Variants in TAF1 observed in about 807,000 individuals in gnomAD.
TAF1 encodes TATA-box binding protein associated factor 1.
Under a neutral mutation model 138.5 loss-of-function variants are expected in TAF1, and 2 were observed. That is an observed-to-expected ratio of 0.01 (90% CI 0.01 to 0.05). The LOEUF (loss-of-function observed/expected upper bound fraction) is 0.05, where lower values mean the gene tolerates loss of function less well. Ranked by LOEUF, TAF1 falls within the 10% of genes least tolerant of loss-of-function variation. The probability of loss-of-function intolerance (pLI) is 1.00; values close to 1 mark genes in which losing one functional copy is unlikely to be tolerated. For missense variants in TAF1, 709 were observed against 1,478.0 expected (o/e 0.48, Z 8.53); for synonymous variants, 437 against 503.2 (o/e 0.87, Z 1.76).
intron 32 of TAF1, among the ~76,000 whole-genome samples, chrX:71,431,003 ATTTT>A (rs41481947): frequency 0.012 from 803 of 68,515 alleles, 10 homozygotes; most frequent in African/African-American, 0.044. Flanking sequence ...GCTCAGAAGA[ATTTT>A]TTTTTTTTTT....
chrX:71,460,477 C>CAGTT, intron 36 of TAF1, 149 bp from the exon 37 acceptor site: 1 of 560,278 alleles, frequency 1.8e-6, no homozygotes, highest in Non-Finnish European at 2.8e-6. Context: ...TGACCCTAGG[C>CAGTT]AGTTATAAGA....
chrX:71,493,740 T>C (rs181667422), intron 13 of TAF1, among the ~76,000 whole-genome samples: 13 of 111,740 alleles, frequency 1.2e-4, no homozygotes, highest in Admixed American at 1.1e-3. Context: ...CCTAACACTT[T>C]AGGAGGCAGA....
chrX:71,385,836 T>C (rs1254189410), intron 14 of TAF1, among the ~76,000 whole-genome samples: 1 of 112,228 alleles, frequency 8.9e-6, no homozygotes, highest in South Asian at 3.7e-4. Flanking sequence ...ATTCAGCCTC[T>C]TCTTTTGTGG....
downstream of TAF1, among the ~76,000 whole-genome samples, chrX:71,469,594 G>C (rs977410043): frequency 9.2e-6 from 1 of 109,212 alleles, no homozygotes; most frequent in Non-Finnish European, 1.9e-5. Flanking sequence ...TACTCGGGAG[G>C]CTCGGGTGGG....
intron 13 of TAF1, among the ~76,000 whole-genome samples, chrX:71,513,617 C>T (rs989809771): frequency 6.3e-5 from 7 of 111,460 alleles, no homozygotes; most frequent in African/African-American, 2.3e-4. Flanking sequence ...CATGGTGGCT[C>T]ATGCCTATAA....
chrX:71,374,297 G>A, intron 3 of TAF1, among the ~76,000 whole-genome samples: 1 of 110,801 alleles, frequency 9.0e-6, no homozygotes, highest in Non-Finnish European at 1.9e-5. Flanking sequence ...TGGCCAGGCT[G>A]GTCTCTGAAC....
At chrX:71,366,578 C>T (rs1482693717) in intron 1 of TAF1, 84 bp downstream of exon 1, 2 of 974,882 alleles carry the variant, frequency 2.1e-6, no homozygotes, top group East Asian at 3.4e-5. Context: ...AGAGGGTGCT[C>T]AGGCAGCGAG....
intron 13 of TAF1, among the ~76,000 whole-genome samples, chrX:71,502,559 A>G (rs1333438676): frequency 1.8e-5 from 2 of 112,961 alleles, no homozygotes; most frequent in African/African-American, 6.4e-5. Flanking sequence ...AATCAATGTC[A>G]TACTGGTGGA....
At chrX:71,400,211 TCCCGAGTAG>T (rs2035105763) in intron 24 of TAF1, among the ~76,000 whole-genome samples, 1 of 110,433 alleles carries the variant, frequency 9.1e-6, no homozygotes, top group Non-Finnish European at 1.9e-5. Flanking sequence ...TGCCTCAGCC[TCCCGAGTAG>T]CTGGGATTAC....
chrX:71,417,461 A>G (rs762973335), intron 28 of TAF1, among the ~76,000 whole-genome samples: 1 of 110,606 alleles, frequency 9.0e-6, no homozygotes, highest in African/African-American at 3.3e-5. Flanking sequence ...GGGCTCGATG[A>G]TTCTCCCACC....
intron 13 of TAF1, among the ~76,000 whole-genome samples, chrX:71,512,684 G>A (rs2039754710): frequency 1.8e-5 from 2 of 111,222 alleles, no homozygotes; most frequent in Non-Finnish European, 3.8e-5. Flanking sequence ...CGGGCATGGT[G>A]GCTCATGACT....
At chrX:71,518,903 G>A (rs191970159) in intron 13 of TAF1, among the ~76,000 whole-genome samples, 118 of 105,856 alleles carry the variant, frequency 1.1e-3, no homozygotes, top group African/African-American at 4.0e-3. Context: ...CACCATGTTG[G>A]TCAGGCTGGT....
chrX:71,513,409 C>G (rs1277275252), intron 13 of TAF1, among the ~76,000 whole-genome samples: 2 of 111,732 alleles, frequency 1.8e-5, no homozygotes, highest in Non-Finnish European at 1.9e-5. Flanking sequence ...CCCTGTATTT[C>G]TAGTGGCACT....
intron 22 of TAF1, among the ~76,000 whole-genome samples, 182 bp downstream of exon 22, chrX:71,394,427 C>T (rs2034736502): frequency 8.9e-6 from 1 of 112,404 alleles, no homozygotes; most frequent in African/African-American, 3.2e-5. Flanking sequence ...CTGTGGAGGA[C>T]CAATTGCAGA....
Position 71,384,144 on chromosome X carries a change from C to G in TAF1, c.2121+9C>G. Reference sequence around the variant, plus strand: ...AGAACTATTATAAACGGGTGAGTCTCTGCTCAGAAAATTTTTTTCCCATAC... The same window carrying G: ...AGAACTATTATAAACGGGTGAGTCTGTGCTCAGAAAATTTTTTTCCCATAC... On this transcript the variant is annotated intron_variant, in intron 13 of 37. Coordinates refer to ENST00000423759, the MANE Select transcript of TAF1 (RefSeq NM_004606.5). The G allele has an allele frequency of 8.3e-7, 1 of 1,205,092 alleles. No individual in the cohort carries two copies. The highest frequency in any genetic ancestry group is 1.1e-6 in the Non-Finnish European group (1 of 893,106).
chrX:71,487,586 G>A (rs781191868), intron 13 of TAF1, among the ~76,000 whole-genome samples: 1 of 111,326 alleles, frequency 9.0e-6, no homozygotes, highest in Non-Finnish European at 1.9e-5. Context: ...GCCTCCCAAA[G>A]TGCTGGAATT....
At chrX:71,486,922 GTAT>G (rs2039181650) in intron 13 of TAF1, among the ~76,000 whole-genome samples, 1 of 107,151 alleles carries the variant, frequency 9.3e-6, no homozygotes, top group African/African-American at 3.4e-5. Flanking sequence ...TGGAATCTCT[GTAT>G]TATTAGTCTA....
chrX:71,478,763 A>G (rs1239239232), intron 13 of TAF1, among the ~76,000 whole-genome samples: 1 of 112,408 alleles, frequency 8.9e-6, no homozygotes, highest in Non-Finnish European at 1.9e-5. Flanking sequence ...AAGCCATCCA[A>G]TGAAAACTGA....
intron 32 of TAF1, among the ~76,000 whole-genome samples, chrX:71,429,230 G>A (rs776903065): frequency 4.5e-5 from 5 of 109,961 alleles, no homozygotes; most frequent in Admixed American, 2.9e-4. Flanking sequence ...AGCTGAGATC[G>A]CATCACTGCA....
Sources: allele counts gnomAD v4.1 joint callset (sites outside exome capture counted in the v4.1 genomes callset), GRCh38; gene constraint gnomAD v4.1.1; transcripts MANE v1.5; gene names NCBI Gene and HGNC (gene_info 2026-07-23, HGNC 2026-07-21).